Variants in ATRN observed in about 807,000 individuals in gnomAD.
The protein encoded by ATRN is attractin-2.
A neutral mutation model predicts 178.7 loss-of-function variants in ATRN; 54 were observed. The observed-to-expected ratio is 0.30, with a 90% CI of 0.24 to 0.38. ATRN has a LOEUF of 0.38. Ranked by LOEUF, ATRN falls within the 10% of genes least tolerant of loss-of-function variation. The pLI, the probability that ATRN is intolerant of heterozygous loss-of-function variation, is 1.00. For missense variants in ATRN, 1,443 were observed against 1,815.1 expected, an observed-to-expected ratio of 0.79 and a Z score of 3.73; for synonymous variants, 636 against 663.0, an observed-to-expected ratio of 0.96 and a Z score of 0.63.
chr20:3,590,432 C>T (rs2086424648), intron 18 of ATRN, among the ~76,000 whole-genome samples: 1 of 152,080 alleles, frequency 6.6e-6, no homozygotes, highest in Non-Finnish European at 1.5e-5. Context: ...CATCCTATTC[C>T]CCCCTAGAGT....
chr20:3,584,137 A>G, intron 17 of ATRN, 54 bp downstream of exon 17: 1 of 1,550,506 alleles, frequency 6.4e-7, no homozygotes, highest in Non-Finnish European at 8.8e-7. Context: ...TATAGGCAAC[A>G]ACTCAGCCAT....
chr20:3,563,694 G>A (rs13042627), intron 10 of ATRN, among the ~76,000 whole-genome samples: 14,721 of 152,082 alleles, frequency 0.097, 913 homozygotes, highest in Non-Finnish European at 0.14. Context: ...ATTGGTTCAC[G>A]TATTAGCTTT....
chr20:3,648,761 C>T lies in ATRN; in HGVS notation c.*1914C>T, dbSNP rs2087125107. ...ACGTTCTAGAAAAGACCCCTCCTCT[C>T]ATGAGCTCCCCCATCCCTGCTACAG... On this transcript the variant is annotated 3_prime_UTR_variant, in exon 29 of 29. Transcript: ENST00000262919. 1 of 152,256 alleles carries T rather than the reference C, an allele frequency of 6.6e-6. No individual in the cohort carries two copies. Among genetic ancestry groups the T allele is most frequent in the African/African-American group, 2.4e-5 (1 of 41,460 alleles). The allele number at this position is 152,256 out of a possible 1,614,324, so 9.4% of individuals were successfully genotyped here.
chr20:3,631,055 C>T (rs2086986618), intron 25 of ATRN, among the ~76,000 whole-genome samples: 1 of 149,224 alleles, frequency 6.7e-6, no homozygotes, highest in Non-Finnish European at 1.5e-5. Context: ...TCAAGCAGTC[C>T]TCCTCACCTC....
At chr20:3,474,968 G>A (rs1382163256) in intron 1 of ATRN, among the ~76,000 whole-genome samples, 2 of 148,932 alleles carry the variant, frequency 1.3e-5, no homozygotes, top group Non-Finnish European at 1.5e-5. Flanking sequence ...GGAAGCGGAG[G>A]TTGCAGAGAG....
At chr20:3,539,340 G>T (rs534601662) in intron 2 of ATRN, among the ~76,000 whole-genome samples, 9 of 152,172 alleles carry the variant, frequency 5.9e-5, no homozygotes, top group African/African-American at 2.2e-4. Flanking sequence ...GGTAGGGCAG[G>T]TATTTGGTAG....
chr20:3,550,212 C>G (rs1406425933), intron 6 of ATRN, among the ~76,000 whole-genome samples: 1 of 152,192 alleles, frequency 6.6e-6, no homozygotes, highest in Non-Finnish European at 1.5e-5. Flanking sequence ...CCTGTAGTCT[C>G]AGCTGCTCAG....
chr20:3,647,142 T>A lies in ATRN; in HGVS notation c.*295T>A. 4.1e-6 allele frequency: 1 copy of A among 240,982 alleles called. No individual in the cohort carries two copies. Among genetic ancestry groups the A allele is most frequent in the South Asian group, 8.2e-5 (1 of 12,254 alleles). 14.9% of individuals were successfully genotyped at this position (240,982 alleles called of 1,614,324 possible). A position where few individuals can be genotyped will look rare whatever the true frequency, so the allele number is the denominator to read the frequency against. On this transcript the variant is annotated 3_prime_UTR_variant, in exon 29 of 29. Transcript: ENST00000262919. ...GTAGAGCCAGTGAGAGAACTAGGAA[T>A]GACACTCAGGTTCACTGTGGAAAAC...
intron 6 of ATRN, among the ~76,000 whole-genome samples, chr20:3,557,755 A>G (rs752200312): frequency 6.6e-6 from 1 of 152,238 alleles, no homozygotes; most frequent in Non-Finnish European, 1.5e-5. Context: ...ATGAGAGGCA[A>G]TGTGAGTGCT....
chr20:3,515,460 A>G (rs570119011), intron 1 of ATRN, among the ~76,000 whole-genome samples: 1 of 152,318 alleles, frequency 6.6e-6, no homozygotes, highest in East Asian at 1.9e-4. Context: ...CAGGGAATCC[A>G]GAGTGGAGGG....
At chr20:3,599,583 C>T (rs909276659) in intron 22 of ATRN, among the ~76,000 whole-genome samples, 7 of 152,150 alleles carry the variant, frequency 4.6e-5, no homozygotes, top group Non-Finnish European at 1.0e-4. Flanking sequence ...TCCACTTACA[C>T]GTAGACTTTT....
intron 6 of ATRN, among the ~76,000 whole-genome samples, chr20:3,552,526 G>T (rs1357016174): frequency 1.3e-5 from 2 of 152,154 alleles, no homozygotes; most frequent in African/African-American, 2.4e-5. Flanking sequence ...CCCCGTATTG[G>T]TATATTTATG....
At chr20:3,489,485 G>A (rs757316600) in intron 1 of ATRN, 30 of 1,073,500 alleles carry the variant, frequency 2.8e-5, no homozygotes, top group Non-Finnish European at 4.2e-5. Context: ...ACAGATCTCA[G>A]GGAAGCCTGG....
intron 6 of ATRN, among the ~76,000 whole-genome samples, chr20:3,555,148 C>T (rs2670304): frequency 6.6e-6 from 1 of 151,852 alleles, no homozygotes. Flanking sequence ...ACTACAGGCG[C>T]CCGCCACCTC....
intron 1 of ATRN, among the ~76,000 whole-genome samples, chr20:3,525,613 G>A (rs1169388007): frequency 6.6e-6 from 1 of 152,072 alleles, no homozygotes; most frequent in African/African-American, 2.4e-5. Flanking sequence ...AAAATTTCAG[G>A]CCAATATCCT....
At chr20:3,596,761 T>C (rs1481564794) in intron 21 of ATRN, among the ~76,000 whole-genome samples, 1 of 152,122 alleles carries the variant, frequency 6.6e-6, no homozygotes, top group Non-Finnish European at 1.5e-5. Flanking sequence ...TATTTCGTGT[T>C]TTAGGATGTA....
chr20:3,562,413 C>T lies in ATRN; in HGVS notation c.1585C>T (p.Arg529Trp), dbSNP rs1392056512. The change falls in exon 9 of 29, where the codon CGG becomes TGG. Residue 529 changes from arginine (R) to tryptophan (W), a missense_variant. By Grantham distance (101) the Arg-to-Trp change is moderately radical. Coordinates refer to ENST00000262919, the MANE Select transcript of ATRN (RefSeq NM_139321.3). Reference sequence around the variant, plus strand: ...CAAGGCTTTCAGTGCCAATAAGTACCGGCTTGCAGATGATCTCTACCGATA... The same window carrying T: ...CAAGGCTTTCAGTGCCAATAAGTACTGGCTTGCAGATGATCTCTACCGATA... ...GYKAFSANKY[R>W]LADDLYRYDV... 3.7e-6 allele frequency: 6 copies of T among 1,614,106 alleles called. No homozygotes were observed. The highest frequency in any genetic ancestry group is 1.3e-5 in the African/African-American group (1 of 74,998).
chr20:3,478,900 C>T (rs1317232867), intron 1 of ATRN, among the ~76,000 whole-genome samples: 1 of 147,880 alleles, frequency 6.8e-6, no homozygotes, highest in African/African-American at 2.5e-5. Context: ...CTTCAGTTCT[C>T]TATAATCTAT....
chr20:3,499,841 A>G (rs1240404395), intron 1 of ATRN, among the ~76,000 whole-genome samples: 2 of 148,276 alleles, frequency 1.3e-5, no homozygotes, highest in Non-Finnish European at 3.0e-5. Context: ...AATGGGATCT[A>G]ATTAAACTAA....
Sources: allele counts gnomAD v4.1 joint callset (sites outside exome capture counted in the v4.1 genomes callset), GRCh38; gene constraint gnomAD v4.1.1; transcripts MANE v1.5; gene names NCBI Gene and HGNC (gene_info 2026-07-23, HGNC 2026-07-21).